ANKH: variants seen among roughly 807,000 people sequenced by gnomAD.
ANKH encodes mineralization regulator ANKH.
Under a neutral mutation model 49.0 loss-of-function variants are expected in ANKH, and 15 were observed. The observed-to-expected ratio is 0.31, with a 90% confidence interval of 0.20 to 0.47. The LOEUF is 0.47. Among genes scored for constraint, ANKH ranks in the 20% least tolerant of loss-of-function variants. The pLI, the probability that ANKH is intolerant of heterozygous loss-of-function variation, is 1.00. For synonymous variants in ANKH, 273 were observed against 260.0 expected, an observed-to-expected ratio of 1.05 and a Z score of -0.48; for missense variants, 429 against 652.0, an observed-to-expected ratio of 0.66 and a Z score of 3.72.
chr5:14,734,957 A>G (rs1314096546), intron 8 of ANKH, among the ~76,000 whole-genome samples: 1 of 152,232 alleles, frequency 6.6e-6, no homozygotes, highest in African/African-American at 2.4e-5. Context: ...TGAAAATTGG[A>G]AAAATATTTC....
At chr5:14,795,088 C>A (rs72734784) in intron 1 of ANKH, among the ~76,000 whole-genome samples, 6,170 of 152,304 alleles carry the variant, frequency 0.041, 151 homozygotes, top group Middle Eastern at 0.071. Flanking sequence ...TCACTCATCA[C>A]ACATCATTGC....
At chr5:14,712,395 G>A (rs375661724) in intron 11 of ANKH, among the ~76,000 whole-genome samples, 11 of 152,132 alleles carry the variant, frequency 7.2e-5, no homozygotes, top group African/African-American at 2.7e-4. Context: ...AAAAACAAAA[G>A]TGATCAGAAG....
intron 2 of ANKH, among the ~76,000 whole-genome samples, chr5:14,763,278 C>T (rs573785445): frequency 5.6e-4 from 86 of 152,314 alleles, no homozygotes; most frequent in South Asian, 1.9e-3. Context: ...GACCAGCTTG[C>T]GAGGCTTTTC....
Position 14,758,702 on chromosome 5 carries a change from C to T in ANKH, c.314-104G>A, listed in dbSNP as rs376899832. 1.0e-4 allele frequency: 95 copies of T among 924,830 alleles called. 1 individual carries two copies. The African/African-American group carries it at 1.2e-3, about 11-fold the overall frequency. 57.3% of individuals were successfully genotyped at this position (924,830 alleles called of 1,614,324 possible). ...AACAATTTTAAATGTAGTATTTGTT[C>T]GTCATAGAAAAATTAGATAAGCAAA... is the stretch of plus-strand genomic sequence containing the variant. On this transcript the variant is annotated intron_variant, in intron 2 of 11. Transcript: ENST00000284268.
chr5:14,860,547 T>C (rs1400757471), intron 1 of ANKH, among the ~76,000 whole-genome samples: 1 of 152,124 alleles, frequency 6.6e-6, no homozygotes, highest in Admixed American at 6.5e-5. Context: ...TTTTATATTC[T>C]CCACACTACT....
At position 14,713,087 on chromosome 5, in the gene ANKH, G is replaced by A. The variant is rs1046307473; in HGVS notation, c.1266-114C>T. ...CCTCGAGACGGCTGAGACCAGCGGC[G>A]TTCTCCATCTGCTGGCTTCGTAAGG... is the stretch of plus-strand genomic sequence containing the variant. On this transcript the variant is annotated intron_variant, in intron 10 of 11. Coordinates refer to ENST00000284268, the MANE Select transcript of ANKH (RefSeq NM_054027.6). The surrounding 1 kb of genome is among the most constrained non-coding windows in gnomAD (Gnocchi z 4.4). The A allele has an allele frequency of 2.7e-4, 274 of 1,025,168 alleles. No homozygotes were observed. Among genetic ancestry groups the A allele is most frequent in the Non-Finnish European group, 3.3e-4 (226 of 678,210 alleles). 63.5% of individuals were successfully genotyped at this position (1,025,168 alleles called of 1,614,324 possible).
chr5:14,713,673 G>C lies in ANKH; in HGVS notation c.1142-6C>G. On this transcript the variant is annotated splice_polypyrimidine_tract_variant and splice_region_variant and intron_variant, in intron 9 of 11. Transcript: ENST00000284268. The surrounding 1 kb of genome is among the most constrained non-coding windows in gnomAD (Gnocchi z 4.4). ...GAGATGCGCCCTCACTGTGACTGTT[G>C]GGAGGAGCAAAGGACTCGTCAGCCG... 1 of 1,613,796 alleles carries C rather than the reference G, an allele frequency of 6.2e-7. No individual in the cohort carries two copies. Among genetic ancestry groups the C allele is most frequent in the African/African-American group, 1.3e-5 (1 of 75,040 alleles).
In ANKH at chr5:14,708,762, C is replaced by CTGTG. The variant is rs1467460194; in HGVS notation, c.*2431_*2434dup. 1.3e-5 allele frequency: 2 copies of CTGTG among 152,220 alleles called. No homozygotes were observed. The highest frequency in any genetic ancestry group is 1.9e-4 in the East Asian group (1 of 5,200). 9.4% of individuals were successfully genotyped at this position (152,220 alleles called of 1,614,324 possible). On this transcript the variant is annotated 3_prime_UTR_variant, in exon 12 of 12. Transcript: ENST00000284268. ...GGTGGCCTGAGTGTGGCATTGCTTC[C>CTGTG]TGTGTTCTCAGAAACTCTAACCAAA... is the stretch of plus-strand genomic sequence containing the variant.
At position 14,706,681 on chromosome 5, in the gene ANKH, T is replaced by G. The variant is rs2126375615; in HGVS notation, c.*4516A>C. The G allele has an allele frequency of 6.6e-6, 1 of 152,348 alleles. No homozygotes were observed. Among genetic ancestry groups the G allele is most frequent in the African/African-American group, 2.4e-5 (1 of 41,582 alleles). The allele number at this position is 152,348 out of a possible 1,614,324, so 9.4% of individuals were successfully genotyped here. ...TTAAAAGGGCAGGCAACAGGCCCTT[T>G]TACGTTTCTCATCAGATTTTTCTCT... On this transcript the variant is annotated 3_prime_UTR_variant, in exon 12 of 12. Coordinates refer to ENST00000284268, the MANE Select transcript of ANKH (RefSeq NM_054027.6).
chr5:14,732,467 CTTTATAT>C (rs996920223), intron 8 of ANKH, among the ~76,000 whole-genome samples: 73 of 152,190 alleles, frequency 4.8e-4, no homozygotes, highest in African/African-American at 1.7e-3. Flanking sequence ...AGACTATAAA[CTTTATAT>C]TTATCTATAA....
intron 1 of ANKH, among the ~76,000 whole-genome samples, chr5:14,799,931 C>G (rs1035209210): frequency 6.6e-6 from 1 of 152,086 alleles, no homozygotes; most frequent in Non-Finnish European, 1.5e-5. Context: ...ACTGATGGAT[C>G]TGGGCAAAGG....
chr5:14,749,413 A>T, intron 5 of ANKH, 107 bp from the exon 6 acceptor site: 1 of 1,248,314 alleles, frequency 8.0e-7, no homozygotes, highest in Non-Finnish European at 1.2e-6. Context: ...AAGCCAATTC[A>T]CTATACTTGA....
At position 14,745,918 on chromosome 5, in the gene ANKH, T is replaced by C. The variant is rs750336133; in HGVS notation, c.867A>G (p.Pro289=). 2.0e-5 allele frequency: 33 copies of C among 1,614,114 alleles called. No homozygotes were observed. Among genetic ancestry groups the C allele is most frequent in the Admixed American group, 1.2e-4 (7 of 60,012 alleles). The part of the protein sequence containing the change: ...LTATYPVGHM[P]YGWLTEIRAV... ...CACGGATTTCCGTCAACCAGCCGTATGGCATGTGACCCACAGGGTATGTGG... is the reference window on the plus strand; with the variant it reads ...CACGGATTTCCGTCAACCAGCCGTACGGCATGTGACCCACAGGGTATGTGG... Residue 289 remains proline, a synonymous_variant, in exon 7 of 12, where the codon CCA becomes CCG. Coordinates refer to ENST00000284268, the MANE Select transcript of ANKH (RefSeq NM_054027.6). The surrounding 1 kb of genome is among the most constrained non-coding windows in gnomAD (Gnocchi z 4.7).
In ANKH at chr5:14,716,715, G is replaced by A; in HGVS notation, c.1132C>T (p.Pro378Ser). 6.2e-7 allele frequency: 1 copy of A among 1,614,064 alleles called. No homozygotes were observed. The highest frequency in any genetic ancestry group is 8.5e-7 in the Non-Finnish European group (1 of 1,179,956). Residue 378 changes from proline to serine, a missense_variant, in exon 9 of 12, where the codon CCA becomes TCA. This residue lies in a region of ANKH where 378 missense variants were observed against 615.3 expected (regional missense o/e 0.61). Transcript: ENST00000284268. ...TTCTGTTTTTCTTTACCTGGAACTG[G>A]GAAGAAGGAGAAGATCCGCAAAGGA... ...VVPLRIFSFFPVPVTVRAHLT... is the reference protein window; with the variant it reads ...VVPLRIFSFFSVPVTVRAHLT...
At chr5:14,751,652 G>A (rs1738723182) in intron 4 of ANKH, among the ~76,000 whole-genome samples, 1 of 152,056 alleles carries the variant, frequency 6.6e-6, no homozygotes, top group South Asian at 2.1e-4. Context: ...GAGATTTTTT[G>A]TACCATTGTG....
At chr5:14,772,537 C>T (rs1016627164) in intron 1 of ANKH, among the ~76,000 whole-genome samples, 5 of 152,108 alleles carry the variant, frequency 3.3e-5, no homozygotes, top group African/African-American at 1.2e-4. Flanking sequence ...GCACACCTGC[C>T]ATGATGCCTT....
intron 1 of ANKH, among the ~76,000 whole-genome samples, chr5:14,807,397 G>A (rs769480180): frequency 5.3e-5 from 8 of 152,128 alleles, no homozygotes; most frequent in African/African-American, 9.7e-5. Context: ...TTATAGGCAT[G>A]AGCCACGGCA....
intron 1 of ANKH, among the ~76,000 whole-genome samples, chr5:14,813,947 C>A (rs1432378177): frequency 6.6e-6 from 1 of 152,152 alleles, no homozygotes; most frequent in Admixed American, 6.5e-5. Context: ...AACTTGCCAG[C>A]CCCCAAGCAT....
At chr5:14,714,070 G>A (rs1362053183) in intron 9 of ANKH, among the ~76,000 whole-genome samples, 6 of 152,244 alleles carry the variant, frequency 3.9e-5, no homozygotes, top group Admixed American at 1.3e-4. Context: ...CAGAAAAGCT[G>A]GCATCAGAAG....
Sources: allele counts gnomAD v4.1 joint callset (sites outside exome capture counted in the v4.1 genomes callset), GRCh38; gene constraint gnomAD v4.1.1; regional missense constraint gnomAD v4.1.1; non-coding constraint Gnocchi (gnomAD v3.1); transcripts MANE v1.5; gene names NCBI Gene and HGNC (gene_info 2026-07-23, HGNC 2026-07-21).